PPP3CA: variants seen among roughly 807,000 people sequenced by gnomAD.
The protein encoded by PPP3CA is CAM-PRP catalytic subunit.
Under a neutral mutation model 66.5 loss-of-function variants are expected in PPP3CA, and 14 were observed. The ratio of observed to expected loss-of-function variants is 0.21; its 90% CI spans 0.14 to 0.33. PPP3CA has a LOEUF of 0.33. PPP3CA is among the 10% of genes least tolerant of loss of function. The pLI is 1.00. For synonymous variants in PPP3CA, 232 were observed against 226.2 expected, an observed-to-expected ratio of 1.03 and a Z score of -0.23; for missense variants, 317 against 639.5, an observed-to-expected ratio of 0.50 and a Z score of 5.44.
intron 6 of PPP3CA, 93 bp from the exon 7 acceptor site, chr4:101,083,356 C>A: frequency 9.4e-7 from 1 of 1,059,772 alleles, no homozygotes; most frequent in South Asian, 1.4e-5. Flanking sequence ...GTGACTGGAT[C>A]AAAGATAATC....
At chr4:101,032,126 A>T in intron 12 of PPP3CA, 141 bp downstream of exon 12, 1 of 547,364 alleles carries the variant, frequency 1.8e-6, no homozygotes, top group Non-Finnish European at 3.1e-6. Context: ...GATCAAACTG[A>T]TTGGGGTTTC....
intron 2 of PPP3CA, among the ~76,000 whole-genome samples, chr4:101,150,200 T>C (rs755482088): frequency 1.3e-5 from 2 of 152,184 alleles, no homozygotes; most frequent in Non-Finnish European, 2.9e-5. Context: ...AGGCCCATCA[T>C]TATTAAAAAT....
chr4:101,119,023 A>T (rs1216777639), intron 2 of PPP3CA, among the ~76,000 whole-genome samples: 1 of 149,116 alleles, frequency 6.7e-6, no homozygotes, highest in Non-Finnish European at 1.5e-5. Context: ...AGCTTGGCAC[A>T]TGGTATGTAC....
chr4:101,232,366 G>C (rs1725989498), intron 1 of PPP3CA, among the ~76,000 whole-genome samples: 1 of 151,574 alleles, frequency 6.6e-6, no homozygotes, highest in African/African-American at 2.4e-5. Flanking sequence ...TTTTTATATA[G>C]TCTGTCAGGA....
chr4:101,328,289 CAGG>C (rs1729267184), intron 1 of PPP3CA, among the ~76,000 whole-genome samples: 1 of 152,200 alleles, frequency 6.6e-6, no homozygotes, highest in Admixed American at 6.5e-5. Flanking sequence ...TCACCTGCCT[CAGG>C]AGAAGCACTA....
chr4:101,335,283 A>G (rs1729588944), intron 1 of PPP3CA, among the ~76,000 whole-genome samples: 1 of 151,850 alleles, frequency 6.6e-6, no homozygotes. Flanking sequence ...TTAGGAGCAG[A>G]CAATCTTCAA....
intron 1 of PPP3CA, among the ~76,000 whole-genome samples, chr4:101,199,068 G>T (rs889995219): frequency 6.6e-6 from 1 of 152,124 alleles, no homozygotes; most frequent in Non-Finnish European, 1.5e-5. Flanking sequence ...CCAGTGAAAA[G>T]TTTTCTAGGA....
chr4:101,228,153 T>C (rs1200435332), intron 1 of PPP3CA, among the ~76,000 whole-genome samples: 1 of 151,752 alleles, frequency 6.6e-6, no homozygotes, highest in Non-Finnish European at 1.5e-5. Flanking sequence ...CAACAAATAT[T>C]GAAAACACTT....
chr4:101,206,448 C>CA (rs1725132844), intron 1 of PPP3CA, among the ~76,000 whole-genome samples: 2 of 151,962 alleles, frequency 1.3e-5, no homozygotes, highest in East Asian at 1.9e-4. Flanking sequence ...TTCCTTTCCT[C>CA]AAAAAAGAAC....
intron 1 of PPP3CA, among the ~76,000 whole-genome samples, chr4:101,204,488 T>C (rs1162232791): frequency 6.6e-6 from 1 of 151,828 alleles, no homozygotes; most frequent in African/African-American, 2.4e-5. Flanking sequence ...TACAAAAAAT[T>C]AGCAGGGCGT....
At chr4:101,053,656 C>T (rs550528471) in intron 10 of PPP3CA, among the ~76,000 whole-genome samples, 26 of 152,122 alleles carry the variant, frequency 1.7e-4, no homozygotes, top group African/African-American at 6.3e-4. Flanking sequence ...GTCAGTTTTA[C>T]TCAAACTCCT....
chr4:101,212,641 A>C (rs1725332886), intron 1 of PPP3CA, among the ~76,000 whole-genome samples: 1 of 152,140 alleles, frequency 6.6e-6, no homozygotes, highest in Non-Finnish European at 1.5e-5. Flanking sequence ...GAAAAAAAGA[A>C]CAAAAAAGAC....
At chr4:101,277,851 AC>A (rs1487812628) in intron 1 of PPP3CA, among the ~76,000 whole-genome samples, 1 of 152,154 alleles carries the variant, frequency 6.6e-6, no homozygotes, top group African/African-American at 2.4e-5. Flanking sequence ...TACACCAGTG[AC>A]TCACAATGTT....
intron 1 of PPP3CA, among the ~76,000 whole-genome samples, chr4:101,269,185 TTAAC>T (rs1302055830): frequency 6.6e-6 from 1 of 152,154 alleles, no homozygotes; most frequent in African/African-American, 2.4e-5. Flanking sequence ...CTTGCCAGAC[TTAAC>T]TTTAACTACT....
chr4:101,198,499 G>A (rs1268205361), intron 1 of PPP3CA, among the ~76,000 whole-genome samples: 1 of 151,614 alleles, frequency 6.6e-6, no homozygotes, highest in Non-Finnish European at 1.5e-5. Context: ...GAAGGTTTAA[G>A]TGGCTCTGCA....
intron 1 of PPP3CA, among the ~76,000 whole-genome samples, chr4:101,292,158 C>G (rs992089306): frequency 6.6e-6 from 1 of 150,836 alleles, no homozygotes. Flanking sequence ...CCTGACTCTT[C>G]CCTAAAAAGT....
chr4:101,154,122 A>G lies in PPP3CA; in HGVS notation c.259+41794T>C, dbSNP rs529468172. Among the ~76,000 whole-genome samples the G allele has an allele frequency of 4.6e-5, 7 of 152,316 alleles. No homozygotes were observed. In the East Asian group the frequency reaches 1.4e-3, roughly 29 times the overall value. Reference sequence around the variant, plus strand: ...GCTTGTATATGTCATCCTTATGAACACTGCTTGCCTGCCTTCTTGTTTTCA... The same window carrying G: ...GCTTGTATATGTCATCCTTATGAACGCTGCTTGCCTGCCTTCTTGTTTTCA... On this transcript the variant is annotated intron_variant, in intron 2 of 13. Transcript: ENST00000394854.
chr4:101,323,421 C>T (rs920955766), intron 1 of PPP3CA, among the ~76,000 whole-genome samples: 2 of 152,108 alleles, frequency 1.3e-5, no homozygotes, highest in South Asian at 4.1e-4. Context: ...TAACTGTGTA[C>T]GTGTGATGAG....
At chr4:101,033,359 T>C (rs148595676) in intron 11 of PPP3CA, among the ~76,000 whole-genome samples, 52 of 151,362 alleles carry the variant, frequency 3.4e-4, no homozygotes, top group African/African-American at 1.2e-3. Flanking sequence ...TAGAATTATC[T>C]ACTCCAAATT....
Sources: allele counts gnomAD v4.1 joint callset (sites outside exome capture counted in the v4.1 genomes callset), GRCh38; gene constraint gnomAD v4.1.1; transcripts MANE v1.5; gene names NCBI Gene and HGNC (gene_info 2026-07-23, HGNC 2026-07-21).